The following ZNF215 variants were observed in gnomAD, a reference collection of about 807,000 sequenced individuals.
The protein encoded by ZNF215 is BWSCR2-associated zinc finger protein 2.
A neutral mutation model predicts 27.2 loss-of-function variants in ZNF215; 24 were observed. The ratio of observed to expected loss-of-function variants is 0.88; its 90% confidence interval spans 0.64 to 1.24. The LOEUF (loss-of-function observed/expected upper bound fraction) is 1.24. Ranked by LOEUF, ZNF215 falls within the 50% of genes most tolerant of loss-of-function variation. The probability of loss-of-function intolerance (pLI) is 0.00; values close to 1 mark genes in which losing one functional copy is unlikely to be tolerated. For missense variants in ZNF215, 675 were observed against 605.7 expected (o/e 1.11, Z -1.20); for synonymous variants, 210 against 204.0 (o/e 1.03, Z -0.25).
chr11:6,943,044 G>A (rs781068144), intron 4 of ZNF215, 39 bp from the exon 5 acceptor site: 1 of 1,596,866 alleles, frequency 6.3e-7, no homozygotes, highest in South Asian at 1.2e-5. Context: ...GTGTTTTGGG[G>A]AGTGACACCT....
chr11:6,943,318 T>C (rs1469692559), intron 5 of ZNF215, 103 bp downstream of exon 5: 1 of 1,495,362 alleles, frequency 6.7e-7, no homozygotes, highest in African/African-American at 1.4e-5. Flanking sequence ...TGGGTCTGGG[T>C]TGAGGTTTGC....
chr11:6,957,181 G>C lies in ZNF215; in HGVS notation c.*650G>C. On this transcript the variant is annotated 3_prime_UTR_variant, in exon 7 of 7. Coordinates refer to ENST00000278319, the MANE Select transcript of ZNF215 (RefSeq NM_013250.4). ...TTAAAATCTGCATTTGTTTATAGCA[G>C]GTCCTTGAAAAATGTTTTTGTTTTG... is the stretch of plus-strand genomic sequence containing the variant. The C allele has an allele frequency of 1.0e-6, 1 of 985,278 alleles. No individual in the cohort carries two copies. The highest frequency in any genetic ancestry group is 1.2e-6 in the Non-Finnish European group (1 of 829,826). The allele number at this position is 985,278 out of a possible 1,614,324, so 61.0% of individuals were successfully genotyped here.
In ZNF215 at chr11:6,932,630, G is replaced by C; in HGVS notation, c.358G>C (p.Val120Leu). 1 of 1,613,954 alleles carries C rather than the reference G, an allele frequency of 6.2e-7. No homozygotes were observed. Among genetic ancestry groups the C allele is most frequent in the Non-Finnish European group, 8.5e-7 (1 of 1,179,952 alleles). ...ACATCCAAACAACAGTAAAGATATGGTGACCCTCATAGAAGATGTGATTGA... is the reference window on the plus strand; with the variant it reads ...ACATCCAAACAACAGTAAAGATATGCTGACCCTCATAGAAGATGTGATTGA... ...LQHPNNSKDM[V>L]TLIEDVIEML... Residue 120 changes from valine (V) to leucine (L), a missense_variant, in exon 3 of 7, where the codon GTG becomes CTG. Coordinates refer to ENST00000278319, the MANE Select transcript of ZNF215 (RefSeq NM_013250.4).
chr11:6,944,208 G>A lies in ZNF215; in HGVS notation c.712+567G>A, dbSNP rs189309551. ...GGAGAATGGCGTGAACCCGGGAGGC[G>A]GAGCTTGCAGTGAGCCAAGATCGCA... On this transcript the variant is annotated intron_variant, in intron 6 of 6. Coordinates refer to ENST00000278319, the MANE Select transcript of ZNF215 (RefSeq NM_013250.4). 4.7e-3 allele frequency among the ~76,000 whole-genome samples: 719 copies of A among 152,056 alleles called. 6 individuals carry two copies. Among genetic ancestry groups the A allele is most frequent in the African/African-American group, 0.016 (678 of 41,520 alleles).
intron 5 of ZNF215, among the ~76,000 whole-genome samples, chr11:6,966,886 G>A (rs565050989): frequency 1.3e-5 from 2 of 151,798 alleles, no homozygotes; most frequent in East Asian, 1.9e-4. Flanking sequence ...ACGTATACAC[G>A]TGCCATGGTG....
downstream of ZNF215, chr11:6,988,143 C>T (rs917596605): frequency 4.1e-6 from 4 of 963,902 alleles, no homozygotes; most frequent in African/African-American, 5.3e-5. Flanking sequence ...TAATCATAAC[C>T]AATGCATAAT....
At chr11:6,941,528 G>C (rs1325708027) in intron 3 of ZNF215, 43 bp from the exon 4 acceptor site, 2 of 1,579,184 alleles carry the variant, frequency 1.3e-6, no homozygotes, top group South Asian at 2.3e-5. Context: ...AGTTGCTCCA[G>C]GGCAAAACTT....
At position 6,935,217 on chromosome 11, in the gene ZNF215, G is replaced by A. The variant is rs528850200; in HGVS notation, c.400+2545G>A. ...AGCTCGCATGTATATCTGAAAATCT[G>A]GAAGATTGAAGACATGTTCAGAAAG... On this transcript the variant is annotated intron_variant, in intron 3 of 6. Transcript: ENST00000278319. Among the ~76,000 whole-genome samples the A allele has an allele frequency of 2.0e-5, 3 of 152,330 alleles. No individual in the cohort carries two copies. In the South Asian group the frequency reaches 6.2e-4, roughly 32 times the overall value.
downstream of ZNF215, among the ~76,000 whole-genome samples, chr11:6,993,237 A>G (rs1158475998): frequency 1.3e-5 from 2 of 152,100 alleles, no homozygotes; most frequent in East Asian, 1.9e-4. Context: ...GTAGCTTTCA[A>G]TAAACTCTCT....
At position 6,955,800 on chromosome 11, in the gene ZNF215, A is replaced by G. The variant is rs150103468; in HGVS notation, c.823A>G (p.Arg275Gly). The part of the protein sequence containing the change: ...DAWKGENWLY[R>G]NQKKWDINLP... ...CTGGAAAGGTGAGAATTGGTTATAT[A>G]GGAACCAGAAAAAATGGGACATAAA... The change falls in exon 7 of 7, where the codon AGG (arginine) becomes GGG (glycine). Residue 275 changes from arginine (R) to glycine (G), a missense_variant. Transcript: ENST00000278319. The G allele has an allele frequency of 2.7e-4, 432 of 1,613,872 alleles. 1 individual carries two copies. The highest frequency in any genetic ancestry group is 7.8e-4 in the South Asian group (71 of 90,938).
chr11:6,988,665 C>T (rs912028461), downstream of ZNF215: 15 of 152,222 alleles, frequency 9.9e-5, no homozygotes, highest in Admixed American at 9.2e-4. Flanking sequence ...ATTAAATTGG[C>T]CTGTGTTTGT....
At chr11:6,928,629 C>G (rs537676789) in intron 2 of ZNF215, among the ~76,000 whole-genome samples, 1 of 151,948 alleles carries the variant, frequency 6.6e-6, no homozygotes, top group Non-Finnish European at 1.5e-5. Context: ...AATTTTTACC[C>G]GGTACATTTA....
downstream of ZNF215, among the ~76,000 whole-genome samples, chr11:6,961,831 G>A (rs1034986291): frequency 6.6e-6 from 1 of 152,032 alleles, no homozygotes; most frequent in Non-Finnish European, 1.5e-5. Flanking sequence ...TCGACACCTT[G>A]TCCTTTACCT....
At chr11:6,951,112 A>C (rs901430169) in intron 6 of ZNF215, among the ~76,000 whole-genome samples, 6 of 152,182 alleles carry the variant, frequency 3.9e-5, no homozygotes, top group Middle Eastern at 3.2e-3. Context: ...AAGCTTTTTC[A>C]TGTGCTGCTG....
intron 5 of ZNF215, among the ~76,000 whole-genome samples, chr11:6,968,090 G>A (rs776490249): frequency 2.0e-5 from 3 of 152,172 alleles, no homozygotes; most frequent in Non-Finnish European, 4.4e-5. Context: ...AGATCAGATG[G>A]TTGTAGATGT....
intron 5 of ZNF215, among the ~76,000 whole-genome samples, chr11:6,966,910 A>G (rs541126461): frequency 1.3e-4 from 20 of 152,066 alleles, no homozygotes; most frequent in Non-Finnish European, 1.5e-5. Flanking sequence ...TGCTGCATCC[A>G]TCAACTCGTC....
intron 5 of ZNF215, among the ~76,000 whole-genome samples, chr11:6,970,426 A>G (rs547138639): frequency 6.6e-6 from 1 of 152,362 alleles, no homozygotes; most frequent in Admixed American, 6.5e-5. Context: ...GGGAAAATTG[A>G]ACATGGACTA....
chr11:6,933,392 T>C (rs1849328878), intron 3 of ZNF215, among the ~76,000 whole-genome samples: 1 of 152,136 alleles, frequency 6.6e-6, no homozygotes, highest in Non-Finnish European at 1.5e-5. Flanking sequence ...AACCAATATA[T>C]AGTTAACAAG....
chr11:6,952,690 T>C (rs372598919), intron 6 of ZNF215, among the ~76,000 whole-genome samples: 6 of 152,170 alleles, frequency 3.9e-5, no homozygotes, highest in African/African-American at 1.4e-4. Context: ...CTTTATCCAA[T>C]TTGCCAGTCC....
Sources: allele counts gnomAD v4.1 joint callset (sites outside exome capture counted in the v4.1 genomes callset), GRCh38; gene constraint gnomAD v4.1.1; transcripts MANE v1.5; gene names NCBI Gene and HGNC (gene_info 2026-07-23, HGNC 2026-07-21).